Variants in CYRIB observed in about 807,000 individuals in gnomAD.
CYRIB encodes the protein CYFIP-related Rac1 interactor B.
CYRIB carries 8 observed loss-of-function variants against 44.2 expected under a neutral mutation model. The ratio of observed to expected loss-of-function variants is 0.18; its 90% CI spans 0.11 to 0.33. CYRIB has a LOEUF of 0.33. CYRIB is among the 10% of genes least tolerant of loss of function. The pLI is 1.00. For missense variants in CYRIB, 185 were observed against 382.8 expected (o/e 0.48, Z 4.31); for synonymous variants, 131 against 127.2 (o/e 1.03, Z -0.20).
At chr8:129,990,935 A>G (rs2096616303) in intron 1 of CYRIB, among the ~76,000 whole-genome samples, 1 of 152,100 alleles carries the variant, frequency 6.6e-6, no homozygotes, top group African/African-American at 2.4e-5. Context: ...TTTCAAGACC[A>G]GCCTGGCCAA....
At chr8:129,863,569 T>C (rs2051276466) in intron 4 of CYRIB, among the ~76,000 whole-genome samples, 1 of 151,508 alleles carries the variant, frequency 6.6e-6, no homozygotes. Context: ...TTGTCACAGA[T>C]ACTTATTCTC....
At chr8:129,897,938 G>GT (rs1027849890) in intron 2 of CYRIB, among the ~76,000 whole-genome samples, 3 of 151,688 alleles carry the variant, frequency 2.0e-5, no homozygotes, top group African/African-American at 7.3e-5. Context: ...GCTGATTTTT[G>GT]TATTTTTAGT....
At chr8:129,867,524 C>T (rs920112048) in intron 4 of CYRIB, among the ~76,000 whole-genome samples, 1 of 151,550 alleles carries the variant, frequency 6.6e-6, no homozygotes, top group African/African-American at 2.4e-5. Flanking sequence ...TAATCCTAGA[C>T]AATAAGCATT....
chr8:129,956,111 T>A (rs1002836044), intron 2 of CYRIB, among the ~76,000 whole-genome samples: 16 of 151,962 alleles, frequency 1.1e-4, no homozygotes, highest in African/African-American at 3.6e-4. Context: ...CTCCTTTCCT[T>A]CTCCAACCAC....
chr8:129,879,366 T>C (rs761577563), intron 3 of CYRIB, 23 bp downstream of exon 5: 35 of 1,525,802 alleles, frequency 2.3e-5, no homozygotes, highest in African/African-American at 4.1e-5. Flanking sequence ...CAAAGAGAAA[T>C]AGATATAAAA....
At chr8:129,996,376 AG>A (rs1337393192) in intron 1 of CYRIB, among the ~76,000 whole-genome samples, 1 of 152,090 alleles carries the variant, frequency 6.6e-6, no homozygotes, top group Non-Finnish European at 1.5e-5. Context: ...TAGATGTGAA[AG>A]GGACTCATCC....
Position 129,962,117 on chromosome 8 carries a change from C to T in CYRIB, c.-243+8826G>A, listed in dbSNP as rs1412281988. On this transcript the variant is annotated intron_variant, in intron 2 of 14. Coordinates refer to the CYRIB transcript ENST00000401979. ...AAAAAATTAGCCACGCATGGTGCTG[C>T]TTGCCTGTGGTCCCAGCTACTCGGG... 2.6e-5 allele frequency among the ~76,000 whole-genome samples: 4 copies of T among 151,946 alleles called. No homozygotes were observed. The East Asian group carries it at 7.7e-4, about 29-fold the overall frequency.
chr8:129,895,084 C>T (rs914640641), intron 2 of CYRIB, among the ~76,000 whole-genome samples: 1 of 120,852 alleles, frequency 8.3e-6, no homozygotes, highest in African/African-American at 3.3e-5. Flanking sequence ...ACTACATGCC[C>T]GTGTCATCAT....
chr8:129,879,571 G>A, intron 2 of CYRIB, 100 bp from the exon 5 acceptor site: 1 of 866,882 alleles, frequency 1.2e-6, no homozygotes, highest in Non-Finnish European at 1.8e-6. Flanking sequence ...ATGTTCATTA[G>A]GCCATGAATT....
intron 1 of CYRIB, among the ~76,000 whole-genome samples, chr8:129,993,531 T>C (rs2096690646): frequency 6.6e-6 from 1 of 151,422 alleles, no homozygotes; most frequent in Non-Finnish European, 1.5e-5. Flanking sequence ...ACCCAGTCTC[T>C]ACTAAAAATA....
In CYRIB at chr8:129,984,359, C is replaced by T. The variant is rs1265682542; in HGVS notation, c.-295-13364G>A. 2.6e-5 allele frequency among the ~76,000 whole-genome samples: 4 copies of T among 152,218 alleles called. No homozygotes were observed. The East Asian group carries it at 7.7e-4, about 29-fold the overall frequency. On this transcript the variant is annotated intron_variant, in intron 1 of 14. Coordinates refer to the CYRIB transcript ENST00000401979. ...CTGGCAGGGAGGCCCTCTTCCCCAC[C>T]CACTGAGCATCCAAGTGCGGGAGGC... is the stretch of plus-strand genomic sequence containing the variant.
At chr8:129,879,151 A>G in intron 3 of CYRIB, among the ~76,000 whole-genome samples, 1 of 152,346 alleles carries the variant, frequency 6.6e-6, no homozygotes, top group Middle Eastern at 3.4e-3. Context: ...ATTACAAAAT[A>G]ATCTCCAACT....
chr8:129,898,678 A>C (rs2069622931), intron 2 of CYRIB, among the ~76,000 whole-genome samples: 1 of 152,208 alleles, frequency 6.6e-6, no homozygotes, highest in Admixed American at 6.5e-5. Context: ...ATCATAACCA[A>C]ACAGAATACA....
intron 1 of CYRIB, among the ~76,000 whole-genome samples, chr8:129,933,104 G>T (rs1394354688): frequency 1.3e-5 from 2 of 152,092 alleles, no homozygotes; most frequent in Non-Finnish European, 2.9e-5. Flanking sequence ...TAAAAGAAAT[G>T]GTGTAAGTAA....
At chr8:129,926,846 CATT>C (rs1160848972) in intron 1 of CYRIB, among the ~76,000 whole-genome samples, 1 of 152,224 alleles carries the variant, frequency 6.6e-6, no homozygotes, top group Middle Eastern at 3.2e-3. Flanking sequence ...GCTCCACACT[CATT>C]ATCACCAACT....
chr8:129,992,474 C>T (rs920456662), intron 1 of CYRIB, among the ~76,000 whole-genome samples: 2 of 152,140 alleles, frequency 1.3e-5, no homozygotes, highest in African/African-American at 4.8e-5. Context: ...TTTCAGCCAT[C>T]ATTATTATGA....
intron 1 of CYRIB, among the ~76,000 whole-genome samples, chr8:129,938,736 G>A (rs1171674561): frequency 6.6e-6 from 1 of 152,136 alleles, no homozygotes; most frequent in Non-Finnish European, 1.5e-5. Context: ...GAATCCAGAG[G>A]AGTAGAAAGA....
At chr8:129,926,654 T>C (rs1312139749) in intron 1 of CYRIB, among the ~76,000 whole-genome samples, 1 of 152,194 alleles carries the variant, frequency 6.6e-6, no homozygotes, top group Non-Finnish European at 1.5e-5. Flanking sequence ...AATTCAACCT[T>C]GTAACCCCTC....
intron 3 of CYRIB, among the ~76,000 whole-genome samples, chr8:129,871,771 C>A (rs2057314280): frequency 6.6e-6 from 1 of 152,092 alleles, no homozygotes; most frequent in Non-Finnish European, 1.5e-5. Context: ...TTAAACCAAT[C>A]TGAGAATTAT....
Sources: gnomAD v4.1 joint callset for allele counts (sites outside exome capture counted in the v4.1 genomes callset) on GRCh38, gnomAD v4.1.1 for gene constraint, MANE v1.5 for transcripts, NCBI Gene and HGNC (gene_info 2026-07-23, HGNC 2026-07-21) for gene names.